CYP4F22: variants seen among roughly 807,000 people sequenced by gnomAD.
The protein encoded by CYP4F22 is cytochrome P450 family 4 subfamily F member 22.
In CYP4F22, 37 loss-of-function variants were observed where a neutral mutation model predicts 60.4. The ratio of observed to expected loss-of-function variants is 0.61; its 90% CI spans 0.47 to 0.81. The LOEUF is 0.81. CYP4F22 is among the 30% of genes least tolerant of loss of function. The probability of loss-of-function intolerance (pLI) is 0.00; values close to 1 mark genes in which losing one functional copy is unlikely to be tolerated. For synonymous variants in CYP4F22, 258 were observed against 280.5 expected (o/e 0.92, Z 0.80); for missense variants, 655 against 715.0 (o/e 0.92, Z 0.96).
intron 1 of CYP4F22, among the ~76,000 whole-genome samples, chr19:15,513,363 T>TTA (rs1568352312): frequency 1.2e-5 from 1 of 81,944 alleles, no homozygotes; most frequent in African/African-American, 5.7e-5. Flanking sequence ...ATATATATAT[T>TTA]TTTTTTTTTT....
intron 7 of CYP4F22, among the ~76,000 whole-genome samples, chr19:15,538,352 G>A (rs1319505832): frequency 6.6e-6 from 1 of 152,102 alleles, no homozygotes; most frequent in Non-Finnish European, 1.5e-5. Flanking sequence ...CAGTTTCCTT[G>A]TTTGTAAAAA....
At chr19:15,512,157 G>GAAACTCACTCAAAA (rs1971099779) in intron 1 of CYP4F22, among the ~76,000 whole-genome samples, 1 of 152,118 alleles carries the variant, frequency 6.6e-6, no homozygotes, top group Non-Finnish European at 1.5e-5. Flanking sequence ...ATTTCACTGA[G>GAAACTCACTCAAAA]CCGTCCCAAA....
At chr19:15,524,294 AGGGAGGGAGAAT>A (rs929508977) in intron 2 of CYP4F22, among the ~76,000 whole-genome samples, 1 of 152,200 alleles carries the variant, frequency 6.6e-6, no homozygotes, top group Admixed American at 6.5e-5. Context: ...CAGGGGCTCC[AGGGAGGGAGAAT>A]GGGAAGTGGC....
intron 1 of CYP4F22, chr19:15,515,390 CTG>C (rs1971141726): frequency 8.1e-7 from 1 of 1,241,016 alleles, no homozygotes; most frequent in African/African-American, 1.5e-5. Context: ...CTTGGCATCT[CTG>C]TACTTTGTTG....
intron 3 of CYP4F22, among the ~76,000 whole-genome samples, chr19:15,525,972 G>A (rs1258526361): frequency 6.6e-6 from 1 of 151,726 alleles, no homozygotes; most frequent in Non-Finnish European, 1.5e-5. Flanking sequence ...GACCAGCCTG[G>A]GAAACACAGT....
Position 15,509,919 on chromosome 19 carries a change from TTCC to T in CYP4F22, c.-109+1338_-109+1340del, listed in dbSNP as rs1373310091. Among the ~76,000 whole-genome samples, 71 of 132,330 alleles carry T rather than the reference TTCC, an allele frequency of 5.4e-4. 1 individual carries two copies. The highest frequency in any genetic ancestry group is 1.5e-3 in the African/African-American group (55 of 35,784). The allele number at this position is 132,330 out of a possible 152,430, so 86.8% of individuals were successfully genotyped here. A position where few individuals can be genotyped will look rare whatever the true frequency, so the allele number is the denominator to read the frequency against. ...TTCCTTCCTTCCTTTCTTTCTTTCCTTCCTTCTTTCTTTCTTTCTTTCTTTCTT... is the reference window on the plus strand; with the variant it reads ...TTCCTTCCTTCCTTTCTTTCTTTCCTTTCTTTCTTTCTTTCTTTCTTTCTT... On this transcript the variant is annotated intron_variant, in intron 1 of 13. Coordinates refer to ENST00000269703, the MANE Select transcript of CYP4F22 (RefSeq NM_173483.4).
Position 15,551,308 on chromosome 19 carries a change from A to C in CYP4F22, c.1433A>C (p.Gln478Pro). 1 of 1,613,054 alleles carries C rather than the reference A, an allele frequency of 6.2e-7. No homozygotes were observed. The highest frequency in any genetic ancestry group is 8.5e-7 in the Non-Finnish European group (1 of 1,179,580). The part of the protein sequence containing the change: ...FSAGPRNCIG[Q>P]SFAMAELRVV... ...TCTTCCTCCAGGAATTGCATCGGACAGAGCTTCGCCATGGCCGAGTTGCGC... is the reference window on the plus strand; with the variant it reads ...TCTTCCTCCAGGAATTGCATCGGACCGAGCTTCGCCATGGCCGAGTTGCGC... The change falls in exon 14 of 14, where the codon CAG becomes CCG. Residue 478 changes from glutamine (Q) to proline (P), a missense_variant. Around this residue, in one of 3 missense-constraint regions of CYP4F22, gnomAD observed 151 missense variants for 139.4 expected, o/e 1.08. Transcript: ENST00000269703.
chr19:15,548,312 G>T, intron 11 of CYP4F22, 71 bp downstream of exon 11: 4 of 1,599,618 alleles, frequency 2.5e-6, no homozygotes, highest in Non-Finnish European at 2.6e-6. Context: ...GTCCACAGGG[G>T]CCTGGCTATG....
Position 15,549,219 on chromosome 19 carries a change from C to G in CYP4F22, c.1335+17C>G, listed in dbSNP as rs77324974. The G allele has an allele frequency of 2.1e-3, 3,351 of 1,613,972 alleles. 64 individuals carry two copies. In the African/African-American group the frequency reaches 0.04, roughly 19 times the overall value. ...GACTCCAAGGTGAGTGCCTGCCCCA[C>G]TCCTCCCTGCCCTCAGGTCCTCCCC... On this transcript the variant is annotated intron_variant, in intron 12 of 13. Coordinates refer to ENST00000269703, the MANE Select transcript of CYP4F22 (RefSeq NM_173483.4).
chr19:15,526,410 T>A (rs145687040), intron 3 of CYP4F22, among the ~76,000 whole-genome samples: 1 of 152,328 alleles, frequency 6.6e-6, no homozygotes, highest in Admixed American at 6.5e-5. Context: ...CCTAGGCTGA[T>A]CTTGAACTCC....
Position 15,549,099 on chromosome 19 carries a change from G to A in CYP4F22, c.1271-39G>A, listed in dbSNP as rs377434821. ...GGGGGATGTTTCTGGAGGAGGCCCT[G>A]GCTCCCCTTGGCCCCACTGATCCCA... On this transcript the variant is annotated intron_variant, in intron 11 of 13. Transcript: ENST00000269703. 5 of 1,612,498 alleles carry A rather than the reference G, an allele frequency of 3.1e-6. No individual in the cohort carries two copies. In the African/African-American group the frequency reaches 5.3e-5, roughly 17 times the overall value.
rs182834022 is a variant in CYP4F22, at chr19:15,519,969, G to T, written c.-108-3724G>T. Among the ~76,000 whole-genome samples the T allele has an allele frequency of 8.7e-4, 132 of 152,292 alleles. 1 individual carries two copies. The highest frequency in any genetic ancestry group is 6.2e-4 in the Non-Finnish European group (42 of 68,016). ...GGCCACATAGCCAATTGGTGAGGAG[G>T]CAGACATAGAATCCAGATGTTCATC... On this transcript the variant is annotated intron_variant, in intron 1 of 13. Transcript: ENST00000269703.
chr19:15,512,882 A>G (rs867880908), intron 1 of CYP4F22, among the ~76,000 whole-genome samples: 3 of 151,958 alleles, frequency 2.0e-5, no homozygotes, highest in South Asian at 2.1e-4. Flanking sequence ...AGGAAACCAA[A>G]ACGACTGGAA....
intron 4 of CYP4F22, among the ~76,000 whole-genome samples, chr19:15,532,761 G>A (rs555183443): frequency 1.3e-5 from 2 of 152,064 alleles, no homozygotes; most frequent in Non-Finnish European, 2.9e-5. Flanking sequence ...CTGGTTCTGA[G>A]ACTCCAAACA....
chr19:15,529,903 C>T, intron 4 of CYP4F22, 50 bp downstream of exon 4: 1 of 1,611,272 alleles, frequency 6.2e-7, no homozygotes, highest in Non-Finnish European at 8.5e-7. Context: ...ACTCCCAGAG[C>T]CTATCTGAGA....
At chr19:15,518,494 A>ATAT (rs1364564247) in intron 1 of CYP4F22, among the ~76,000 whole-genome samples, 1 of 147,072 alleles carries the variant, frequency 6.8e-6, no homozygotes, top group African/African-American at 2.6e-5. Context: ...CAAAAAAAAA[A>ATAT]AAAAATTACC....
intron 3 of CYP4F22, among the ~76,000 whole-genome samples, chr19:15,527,350 C>A (rs1971294312): frequency 6.6e-6 from 1 of 152,160 alleles, no homozygotes; most frequent in African/African-American, 2.4e-5. Flanking sequence ...TTCCACCATC[C>A]CTCCCTAGCT....
At chr19:15,537,045 T>A (rs1971401913) in intron 4 of CYP4F22, among the ~76,000 whole-genome samples, 1 of 152,190 alleles carries the variant, frequency 6.6e-6, no homozygotes, top group Non-Finnish European at 1.5e-5. Context: ...GTGCTTGTAA[T>A]CCCAGCACTT....
chr19:15,510,967 T>TATATATA (rs374989279), intron 1 of CYP4F22, among the ~76,000 whole-genome samples: 9 of 52,730 alleles, frequency 1.7e-4, no homozygotes, highest in African/African-American at 7.3e-4. Flanking sequence ...TATATATATA[T>TATATATA]TTTTTTTTTT....
Sources: gnomAD v4.1 joint callset for allele counts (sites outside exome capture counted in the v4.1 genomes callset) on GRCh38, gnomAD v4.1.1 for gene constraint, gnomAD v4.1.1 regional missense constraint, MANE v1.5 for transcripts, NCBI Gene and HGNC (gene_info 2026-07-23, HGNC 2026-07-21) for gene names.